ATP2A2: variants seen among roughly 807,000 people sequenced by gnomAD.
The protein encoded by ATP2A2 is sarcoplasmic/endoplasmic reticulum calcium ATPase 2.
In ATP2A2, 14 loss-of-function variants were observed where a neutral mutation model predicts 109.3. That is an observed-to-expected ratio of 0.13 (90% CI 0.08 to 0.20). ATP2A2 has a LOEUF of 0.20. Among genes scored for constraint, ATP2A2 ranks in the 10% least tolerant of loss-of-function variants. The pLI is 1.00. For synonymous variants in ATP2A2, 506 were observed against 490.9 expected (o/e 1.03, Z -0.41); for missense variants, 657 against 1,321.6 (o/e 0.50, Z 7.80).
At chr12:110,343,586 ACATCCAATTTACC>A in intron 16 of ATP2A2, 152 bp downstream of exon 16, 3 of 921,832 alleles carry the variant, frequency 3.3e-6, no homozygotes, top group Non-Finnish European at 5.0e-6. Flanking sequence ...GATGAACTAT[ACATCCAATTTACC>A]AGAGTCCTTT....
intron 5 of ATP2A2, among the ~76,000 whole-genome samples, chr12:110,314,866 CTTTTTTTTT>C (rs372770725): frequency 7.2e-6 from 1 of 139,094 alleles, no homozygotes; most frequent in Non-Finnish European, 1.6e-5. Flanking sequence ...AGAAGATACA[CTTTTTTTTT>C]TTTTTTTTGG....
chr12:110,316,980 C>G (rs1188512364), intron 5 of ATP2A2, among the ~76,000 whole-genome samples: 1 of 152,152 alleles, frequency 6.6e-6, no homozygotes, highest in Non-Finnish European at 1.5e-5. Context: ...AAAGACAGTA[C>G]TGTCTAAGAA....
chr12:110,284,099 C>T (rs1233140734), intron 3 of ATP2A2, among the ~76,000 whole-genome samples: 1 of 152,142 alleles, frequency 6.6e-6, no homozygotes, highest in Non-Finnish European at 1.5e-5. Flanking sequence ...AAAATGGGGA[C>T]TTACATAGCA....
rs142649047 is a variant in ATP2A2 at position 110,339,712 on chromosome 12, T to C, written c.1752T>C (p.Ile584=). 77 of 1,613,824 alleles carry C rather than the reference T, an allele frequency of 4.8e-5. No homozygotes were observed. Among genetic ancestry groups the C allele is most frequent in the Non-Finnish European group, 6.2e-5 (73 of 1,180,020 alleles). ...EMHLEDSANF[I]KYETNLTFVG... is the part of the protein sequence containing the mutation. ...ACCTTGAGGACTCTGCCAACTTTAT[T>C]AAATATGAGGTTAGCTAATGAAAAG... Residue 584 remains isoleucine (I), a synonymous_variant, in exon 13 of 20, where the codon ATT becomes ATC. Coordinates refer to ENST00000539276, the MANE Select transcript of ATP2A2 (RefSeq NM_170665.4). The surrounding 1 kb of genome is among the most constrained non-coding windows in gnomAD (Gnocchi z 4.4).
chr12:110,305,457 TG>T (rs1339699194), intron 5 of ATP2A2, among the ~76,000 whole-genome samples: 2 of 152,222 alleles, frequency 1.3e-5, no homozygotes, highest in African/African-American at 4.8e-5. Flanking sequence ...GAGATCCAGC[TG>T]CTTTCTTTTG....
At position 110,313,787 on chromosome 12, in the gene ATP2A2, TG is replaced by T. The variant is rs528729323; in HGVS notation, c.464-9203del. Among the ~76,000 whole-genome samples, 43 of 149,324 alleles carry T rather than the reference TG, an allele frequency of 2.9e-4. No individual in the cohort carries two copies. The South Asian group carries it at 4.5e-3, about 16-fold the overall frequency. On this transcript the variant is annotated intron_variant, in intron 5 of 19. Transcript: ENST00000539276. ...GAGCAGTGGTGCAATCTTGGACCAC[TG>T]GAACCTCTGCCTCCTGGGTTCAAGC...
At chr12:110,295,313 C>T (rs185660878) in intron 4 of ATP2A2, among the ~76,000 whole-genome samples, 1 of 152,154 alleles carries the variant, frequency 6.6e-6, no homozygotes, top group Non-Finnish European at 1.5e-5. Flanking sequence ...AGGTGTATGG[C>T]ACCATGTCAG....
chr12:110,282,430 A>G (rs1278446197), intron 1 of ATP2A2, among the ~76,000 whole-genome samples, 174 bp from the exon 2 acceptor site: 1 of 152,180 alleles, frequency 6.6e-6, no homozygotes, highest in Non-Finnish European at 1.5e-5. Flanking sequence ...TCTTCGTGGT[A>G]TGCCCTCTGC....
intron 3 of ATP2A2, among the ~76,000 whole-genome samples, chr12:110,287,816 A>G (rs187272852): frequency 3.2e-4 from 48 of 152,088 alleles, no homozygotes; most frequent in Non-Finnish European, 6.0e-4. Flanking sequence ...GGGTTTCTCC[A>G]TGTTGACCAG....
At chr12:110,344,743 G>T (rs1420243929) in intron 16 of ATP2A2, 143 bp from the exon 17 acceptor site, 4 of 780,920 alleles carry the variant, frequency 5.1e-6, no homozygotes, top group Middle Eastern at 6.7e-4. Context: ...GGCGTGAGCA[G>T]GTGGTGGTAG....
chr12:110,346,655 T>G lies in ATP2A2; in HGVS notation c.*185T>G. On this transcript the variant is annotated 3_prime_UTR_variant, in exon 20 of 20. Transcript: ENST00000539276. Reference sequence around the variant, plus strand: ...GCAAGATTTTCCTTTTTTATACACATAATTAAAGTGTCCATTGACATGTAC... The same window carrying G: ...GCAAGATTTTCCTTTTTTATACACAGAATTAAAGTGTCCATTGACATGTAC... 6.9e-7 allele frequency: 1 copy of G among 1,454,746 alleles called. No homozygotes were observed. Among genetic ancestry groups the G allele is most frequent in the South Asian group, 1.5e-5 (1 of 67,746 alleles). 90.1% of individuals were successfully genotyped at this position (1,454,746 alleles called of 1,614,324 possible).
intron 5 of ATP2A2, among the ~76,000 whole-genome samples, chr12:110,305,913 C>T (rs938309962): frequency 1.8e-4 from 27 of 146,126 alleles, no homozygotes; most frequent in Admixed American, 1.7e-3. Context: ...TCATTTCTTT[C>T]AACACTGGTT....
At chr12:110,282,543 T>C in intron 1 of ATP2A2, 61 bp from the exon 2 acceptor site, 1 of 1,592,716 alleles carries the variant, frequency 6.3e-7, no homozygotes, top group Non-Finnish European at 8.6e-7. Flanking sequence ...AAAATGTCTC[T>C]CTCTTTTTTT....
At chr12:110,287,592 G>C (rs1416857593) in intron 3 of ATP2A2, among the ~76,000 whole-genome samples, 1 of 152,256 alleles carries the variant, frequency 6.6e-6, no homozygotes, top group Middle Eastern at 3.4e-3. Context: ...TTTCTTTGCT[G>C]CTGTTCATGA....
At position 110,346,756 on chromosome 12, in the gene ATP2A2, T is replaced by C; in HGVS notation, c.*286T>C. The C allele has an allele frequency of 3.3e-6, 4 of 1,219,704 alleles. No homozygotes were observed. Among genetic ancestry groups the C allele is most frequent in the Non-Finnish European group, 4.1e-6 (4 of 973,976 alleles). 75.6% of individuals were successfully genotyped at this position (1,219,704 alleles called of 1,614,324 possible). On this transcript the variant is annotated 3_prime_UTR_variant, in exon 20 of 20. Transcript: ENST00000539276. ...TGTACAGTGTTCTGTTTAATACTCA[T>C]CCTTGTATAAAAAAAATAGTTGAGC...
intron 16 of ATP2A2, among the ~76,000 whole-genome samples, chr12:110,344,204 C>T (rs903212958): frequency 2.6e-5 from 4 of 152,082 alleles, no homozygotes; most frequent in Admixed American, 6.6e-5. Context: ...CCTTCATGCT[C>T]CACTGTAATT....
At chr12:110,326,814 C>G (rs1877849421) in intron 7 of ATP2A2, among the ~76,000 whole-genome samples, 1 of 152,060 alleles carries the variant, frequency 6.6e-6, no homozygotes, top group East Asian at 1.9e-4. Flanking sequence ...GTATGTGGTT[C>G]ACAATAAAAA....
At position 110,347,091 on chromosome 12, in the gene ATP2A2, C is replaced by G; in HGVS notation, c.*621C>G. The G allele has an allele frequency of 1.9e-6, 2 of 1,061,812 alleles. No individual in the cohort carries two copies. The highest frequency in any genetic ancestry group is 2.3e-6 in the Non-Finnish European group (2 of 887,648). 65.8% of individuals were successfully genotyped at this position (1,061,812 alleles called of 1,614,324 possible). On this transcript the variant is annotated 3_prime_UTR_variant, in exon 20 of 20. Coordinates refer to ENST00000539276, the MANE Select transcript of ATP2A2 (RefSeq NM_170665.4). ...CTTCTTCTTTAGGATTGTGATGGTT[C>G]GTTCTGTTTACATCAGTTTTAACGA...
chr12:110,309,286 T>G (rs2137760937), intron 5 of ATP2A2, among the ~76,000 whole-genome samples: 1 of 150,326 alleles, frequency 6.7e-6, no homozygotes, highest in South Asian at 2.1e-4. Context: ...GCCTCCCTAG[T>G]AGCAGGGATT....
Sources: allele counts gnomAD v4.1 joint callset (sites outside exome capture counted in the v4.1 genomes callset), GRCh38; gene constraint gnomAD v4.1.1; non-coding constraint Gnocchi (gnomAD v3.1); transcripts MANE v1.5; gene names NCBI Gene and HGNC (gene_info 2026-07-23, HGNC 2026-07-21).